The following FREM2 variants were observed in gnomAD, a reference collection of about 807,000 sequenced individuals.
FREM2 encodes FRAS1 related extracellular matrix 2.
A neutral mutation model predicts 219.9 loss-of-function variants in FREM2; 119 were observed. The ratio of observed to expected loss-of-function variants is 0.54; its 90% CI spans 0.47 to 0.63. FREM2 has a LOEUF of 0.63. FREM2 is among the 30% of genes least tolerant of loss of function. FREM2 has a pLI of 0.00. For synonymous variants in FREM2, 1,562 were observed against 1,522.8 expected (o/e 1.03, Z -0.60); for missense variants, 4,030 against 3,993.6 (o/e 1.01, Z -0.25).
intron 6 of FREM2, among the ~76,000 whole-genome samples, chr13:38,807,164 C>A (rs9576617): frequency 0.14 from 13,903 of 99,362 alleles, 1,318 homozygotes; most frequent in East Asian, 0.29. Context: ...GATATTTTGA[C>A]CTTTTTGCAG....
rs372542811 is a variant in FREM2, at chr13:38,879,689, C to T, written c.9007-595C>T. On this transcript the variant is annotated intron_variant, in intron 23 of 23. Coordinates refer to ENST00000280481, the MANE Select transcript of FREM2 (RefSeq NM_207361.6). ...GCATGTTTGTTATTCTCAATCTTTT[C>T]AAACAAGAAGTTGAAGTATGATATG... Among the ~76,000 whole-genome samples the T allele has an allele frequency of 8.5e-5, 13 of 152,304 alleles. No homozygotes were observed. The East Asian group carries it at 2.3e-3, about 27-fold the overall frequency.
intron 6 of FREM2, among the ~76,000 whole-genome samples, chr13:38,806,238 T>C (rs1260576544): frequency 1.3e-5 from 2 of 151,950 alleles, no homozygotes; most frequent in Non-Finnish European, 2.9e-5. Context: ...TACTTAATTC[T>C]AAACTTTGAT....
chr13:38,746,160 C>T (rs1046473830), intron 2 of FREM2, among the ~76,000 whole-genome samples: 41 of 152,166 alleles, frequency 2.7e-4, no homozygotes, highest in African/African-American at 8.9e-4. Context: ...CTTTAGACCA[C>T]TTATGCTAAG....
intron 2 of FREM2, among the ~76,000 whole-genome samples, chr13:38,754,299 A>G (rs971859372): frequency 5.3e-5 from 8 of 152,126 alleles, no homozygotes; most frequent in Non-Finnish European, 8.8e-5. Flanking sequence ...GGGCCTCACT[A>G]TTCACTAGAA....
Position 38,687,367 on chromosome 13 carries a change from G to C in FREM2, c.23G>C (p.Gly8Ala), listed in dbSNP as rs1181552004. The C allele has an allele frequency of 6.2e-7, 1 of 1,608,050 alleles. No individual in the cohort carries two copies. Among genetic ancestry groups the C allele is most frequent in the African/African-American group, 1.3e-5 (1 of 74,942 alleles). The part of the protein sequence containing the change: MHSAGTP[G>A]LSSRRTGNST... ...ACCATGCACTCAGCCGGGACTCCCG[G>C]GTTATCCTCGCGCCGGACAGGCAAC... is the stretch of plus-strand genomic sequence containing the variant. Residue 8 changes from glycine (G) to alanine (A), a missense_variant, in exon 1 of 24, where the codon GGG (glycine) becomes GCG (alanine). Coordinates refer to ENST00000280481, the MANE Select transcript of FREM2 (RefSeq NM_207361.6).
chr13:38,839,719 C>T (rs1876872355), intron 6 of FREM2, among the ~76,000 whole-genome samples: 1 of 152,140 alleles, frequency 6.6e-6, no homozygotes, highest in Non-Finnish European at 1.5e-5. Context: ...ATGGGCTCCA[C>T]CCAGTTTGAG....
At chr13:38,711,555 T>G (rs1161104877) in intron 2 of FREM2, among the ~76,000 whole-genome samples, 1 of 152,188 alleles carries the variant, frequency 6.6e-6, no homozygotes, top group Non-Finnish European at 1.5e-5. Flanking sequence ...TATAGAGTCC[T>G]TAGAATTATG....
At chr13:38,846,055 G>T (rs893094128) in intron 6 of FREM2, among the ~76,000 whole-genome samples, 1 of 152,214 alleles carries the variant, frequency 6.6e-6, no homozygotes, top group Non-Finnish European at 1.5e-5. Flanking sequence ...ATTCAGTCTA[G>T]TTATGACAGT....
Position 38,784,746 on chromosome 13 carries a change from G to C in FREM2, c.5957G>C (p.Gly1986Ala), listed in dbSNP as rs111283083. Residue 1986 changes from glycine (G) to alanine (A), a missense_variant, in exon 6 of 24, where the codon GGG (glycine) becomes GCG (alanine). Coordinates refer to ENST00000280481, the MANE Select transcript of FREM2 (RefSeq NM_207361.6). ...TFHVLLSMPM[G>A]GRIGSEFPGA... ...CATGTCCTTCTGAGCATGCCCATGG[G>C]GGGAAGAATCGGATCAGAGTTCCCA... is the stretch of plus-strand genomic sequence containing the variant. 3 of 1,614,166 alleles carry C rather than the reference G, an allele frequency of 1.9e-6. No individual in the cohort carries two copies. The highest frequency in any genetic ancestry group is 1.1e-5 in the South Asian group (1 of 91,078).
Position 38,874,484 on chromosome 13 carries a change from T to G in FREM2, c.8179T>G (p.Ser2727Ala), listed in dbSNP as rs1355186200. ...TCTTGGTACTCTCCCCATTATAGGT[T>G]CTCTCTATCCAACCAGCATGCGCAT... ...GSPPEAELQG[S>A]LYPTSMRIGD... is the part of the protein sequence containing the mutation. Residue 2727 changes from serine to alanine, a missense_variant and splice_region_variant, in exon 18 of 24, where the codon TCT (serine) becomes GCT (alanine). Coordinates refer to ENST00000280481, the MANE Select transcript of FREM2 (RefSeq NM_207361.6). The G allele has an allele frequency of 1.2e-6, 2 of 1,613,324 alleles. No homozygotes were observed. Among genetic ancestry groups the G allele is most frequent in the African/African-American group, 2.7e-5 (2 of 74,884 alleles).
At chr13:38,839,888 G>A (rs1401756188) in intron 6 of FREM2, among the ~76,000 whole-genome samples, 1 of 152,188 alleles carries the variant, frequency 6.6e-6, no homozygotes, top group Non-Finnish European at 1.5e-5. Context: ...TTAGCCTGCT[G>A]GGCTCCATGG....
intron 15 of FREM2, among the ~76,000 whole-genome samples, chr13:38,862,462 TA>T (rs1877797709): frequency 6.6e-6 from 1 of 152,178 alleles, no homozygotes; most frequent in Admixed American, 6.5e-5. Flanking sequence ...CACAGACCTA[TA>T]AGAGTTATTT....
At chr13:38,712,390 G>A (rs984811998) in intron 2 of FREM2, among the ~76,000 whole-genome samples, 2 of 152,098 alleles carry the variant, frequency 1.3e-5, no homozygotes, top group Non-Finnish European at 2.9e-5. Flanking sequence ...TGATTAGGCC[G>A]CCTTTGAATC....
chr13:38,828,497 C>G (rs944877098), intron 6 of FREM2, among the ~76,000 whole-genome samples: 7 of 151,932 alleles, frequency 4.6e-5, no homozygotes, highest in Non-Finnish European at 7.4e-5. Context: ...CACTTGAGGC[C>G]AGGAGTTTGA....
intron 3 of FREM2, among the ~76,000 whole-genome samples, chr13:38,767,717 C>T (rs555140330): frequency 1.3e-5 from 2 of 152,294 alleles, no homozygotes; most frequent in South Asian, 2.1e-4. Flanking sequence ...ACAACCAACT[C>T]TGTGTGCACA....
intron 2 of FREM2, among the ~76,000 whole-genome samples, chr13:38,732,692 T>G (rs1216695721): frequency 6.6e-6 from 1 of 152,172 alleles, no homozygotes; most frequent in African/African-American, 2.4e-5. Context: ...GAGAAACTGA[T>G]GAAGATGAAG....
chr13:38,746,249 A>G (rs1179868006), intron 2 of FREM2, among the ~76,000 whole-genome samples: 1 of 152,152 alleles, frequency 6.6e-6, no homozygotes, highest in Non-Finnish European at 1.5e-5. Context: ...TTACCTTTTG[A>G]TAAGGCTTGC....
chr13:38,770,510 C>T (rs1366247428), intron 4 of FREM2, among the ~76,000 whole-genome samples: 1 of 152,046 alleles, frequency 6.6e-6, no homozygotes, highest in Non-Finnish European at 1.5e-5. Flanking sequence ...CTTAACATAT[C>T]TTTGAAACAA....
At position 38,877,244 on chromosome 13, in the gene FREM2, G is replaced by T. The variant is rs1257757980; in HGVS notation, c.8671+1G>T. 1 of 1,613,800 alleles carries T rather than the reference G, an allele frequency of 6.2e-7. No individual in the cohort carries two copies. Among genetic ancestry groups the T allele is most frequent in the Non-Finnish European group, 8.5e-7 (1 of 1,179,846 alleles). ...GAGAGTGATGTTGCTTTTGCAGAAG[G>T]TATCACTTTACAAATGAGAGGGATG... is the stretch of plus-strand genomic sequence containing the variant. On this transcript the variant is annotated splice_donor_variant, in intron 21 of 23. Transcript: ENST00000280481. LOFTEE classifies it high-confidence loss of function.
Sources: gnomAD v4.1 joint callset for allele counts (sites outside exome capture counted in the v4.1 genomes callset) on GRCh38, gnomAD v4.1.1 for gene constraint, MANE v1.5 for transcripts, NCBI Gene and HGNC (gene_info 2026-07-23, HGNC 2026-07-21) for gene names.